Variants in SLC25A25 observed in about 807,000 individuals in gnomAD.
The protein encoded by SLC25A25 is mitochondrial adenyl nucleotide antiporter SLC25A25.
SLC25A25 carries 32 observed loss-of-function variants against 57.7 expected under a neutral mutation model. The observed-to-expected ratio is 0.55, with a 90% CI of 0.42 to 0.74. The LOEUF (loss-of-function observed/expected upper bound fraction) is 0.74. Ranked by LOEUF, SLC25A25 falls within the 30% of genes least tolerant of loss-of-function variation. The probability of loss-of-function intolerance (pLI) is 0.00; values close to 1 mark genes in which losing one functional copy is unlikely to be tolerated. For synonymous variants in SLC25A25, 306 were observed against 291.2 expected, an observed-to-expected ratio of 1.05 and a Z score of -0.52; for missense variants, 556 against 701.3, an observed-to-expected ratio of 0.79 and a Z score of 2.34.
chr9:128,075,708 G>T (rs1203895734), intron 1 of SLC25A25, among the ~76,000 whole-genome samples: 2 of 152,114 alleles, frequency 1.3e-5, no homozygotes, highest in African/African-American at 4.8e-5. Flanking sequence ...GCCAGGCGTT[G>T]TGGTGTGCAC....
intron 1 of SLC25A25, among the ~76,000 whole-genome samples, chr9:128,070,376 G>A (rs1364781768): frequency 6.6e-6 from 1 of 151,688 alleles, no homozygotes; most frequent in African/African-American, 2.4e-5. Context: ...GGGATTACAG[G>A]CATGAGCCAC....
At chr9:128,098,490 A>C in intron 1 of SLC25A25, 1 of 1,540,230 alleles carries the variant, frequency 6.5e-7, no homozygotes, top group Non-Finnish European at 8.8e-7. Flanking sequence ...GTCTTATGCA[A>C]GTTTCCCGGG....
At chr9:128,089,454 T>A (rs985451231) in intron 1 of SLC25A25, among the ~76,000 whole-genome samples, 1 of 152,120 alleles carries the variant, frequency 6.6e-6, no homozygotes, top group African/African-American at 2.4e-5. Flanking sequence ...AGCTAATAAG[T>A]GATGGCCAGG....
rs1442902251 is a variant in SLC25A25 at position 128,099,283 on chromosome 9, G to T, written c.262-1813G>T. ...TTCCCTGCTACCCCCAGTGCCCACT[G>T]TGCACCAAGGGGGATTTGCAGATCC... On this transcript the variant is annotated intron_variant, in intron 1 of 10. Coordinates refer to ENST00000373069, the MANE Select transcript of SLC25A25 (RefSeq NM_001330988.2). This position sits in a 1 kb window ranked among gnomAD's most constrained non-coding sequence, Gnocchi z 6.8. 7.8e-7 allele frequency: 1 copy of T among 1,287,564 alleles called. No homozygotes were observed. Among genetic ancestry groups the T allele is most frequent in the South Asian group, 1.2e-5 (1 of 80,912 alleles). The allele number at this position is 1,287,564 out of a possible 1,614,324, so 79.8% of individuals were successfully genotyped here.
intron 1 of SLC25A25, among the ~76,000 whole-genome samples, chr9:128,075,222 G>A (rs1452736729): frequency 3.3e-5 from 5 of 151,908 alleles, no homozygotes; most frequent in East Asian, 2.0e-4. Context: ...CAGGAGGATC[G>A]CTTGAGTCTG....
rs554307796 is a variant in SLC25A25, at chr9:128,100,733, G to A, written c.262-363G>A. 17 of 228,408 alleles carry A rather than the reference G, an allele frequency of 7.4e-5. No individual in the cohort carries two copies. In the East Asian group the frequency reaches 7.8e-4, roughly 11 times the overall value. 14.1% of individuals were successfully genotyped at this position (228,408 alleles called of 1,614,324 possible). On this transcript the variant is annotated intron_variant, in intron 1 of 10. Coordinates refer to ENST00000373069, the MANE Select transcript of SLC25A25 (RefSeq NM_001330988.2). Reference sequence around the variant, plus strand: ...AGGGACCCAGGGACGGCGCTGCAGCGAAGCCACCCTGCTCACCCTGGCTGT... The same window carrying A: ...AGGGACCCAGGGACGGCGCTGCAGCAAAGCCACCCTGCTCACCCTGGCTGT...
chr9:128,092,431 G>A (rs535446233), intron 1 of SLC25A25, among the ~76,000 whole-genome samples: 5 of 152,310 alleles, frequency 3.3e-5, no homozygotes, highest in South Asian at 4.1e-4. Flanking sequence ...AGCTCAGGAA[G>A]GGCGAAGCTA....
In SLC25A25 at chr9:128,101,893, A is replaced by T. The variant is rs959644070; in HGVS notation, c.477-187A>T. 1.2e-4 allele frequency among the ~76,000 whole-genome samples: 19 copies of T among 152,140 alleles called. No homozygotes were observed. Among genetic ancestry groups the T allele is most frequent in the Non-Finnish European group, 2.2e-4 (15 of 68,020 alleles). On this transcript the variant is annotated intron_variant, in intron 3 of 10. Transcript: ENST00000373069. This position sits in a 1 kb window ranked among gnomAD's most constrained non-coding sequence, Gnocchi z 4.9. Reference sequence around the variant, plus strand: ...GTCTGTCCTGGCTGGACCTTCCGGAAACCCTGCGGTCTGAACACTGGCTGG... The same window carrying T: ...GTCTGTCCTGGCTGGACCTTCCGGATACCCTGCGGTCTGAACACTGGCTGG...
rs550009907 is a variant in SLC25A25 at position 128,101,712 on chromosome 9, C to A, written c.476+316C>A. ...TGCGTGTGGAGGGGGCGGGGCGGGG[C>A]GGGGGGCTCACACTGCAGCCTCGTT... On this transcript the variant is annotated intron_variant, in intron 3 of 10. Transcript: ENST00000373069. The surrounding 1 kb of genome is among the most constrained non-coding windows in gnomAD (Gnocchi z 4.9). Among the ~76,000 whole-genome samples, 2 of 52,594 alleles carry A rather than the reference C, an allele frequency of 3.8e-5. No homozygotes were observed. The highest frequency in any genetic ancestry group is 7.5e-5 in the Non-Finnish European group (2 of 26,654). The allele number at this position is 52,594 out of a possible 152,430, so 34.5% of individuals were successfully genotyped here. A position where few individuals can be genotyped will look rare whatever the true frequency, so the allele number is the denominator to read the frequency against.
At chr9:128,092,292 G>T (rs1324884864) in intron 1 of SLC25A25, among the ~76,000 whole-genome samples, 1 of 152,212 alleles carries the variant, frequency 6.6e-6, no homozygotes, top group Non-Finnish European at 1.5e-5. Flanking sequence ...CCCACTGCGA[G>T]CACCCCAGTG....
At chr9:128,091,823 C>T in intron 1 of SLC25A25, 1 of 1,556,294 alleles carries the variant, frequency 6.4e-7, no homozygotes, top group South Asian at 1.2e-5. Context: ...GTGGTCACAT[C>T]CCTCAAAAGT....
At position 128,088,923 on chromosome 9, in the gene SLC25A25, G is replaced by T. The variant is rs141198477; in HGVS notation, c.262-12173G>T. On this transcript the variant is annotated intron_variant, in intron 1 of 10. Coordinates refer to ENST00000373069, the MANE Select transcript of SLC25A25 (RefSeq NM_001330988.2). ...AAAAACAGGGCTCACATTCATTAAA[G>T]GATTTATTTATTTATTTTTGAGGCA... 1.8e-4 allele frequency among the ~76,000 whole-genome samples: 27 copies of T among 152,266 alleles called. No homozygotes were observed. The East Asian group carries it at 4.8e-3, about 27-fold the overall frequency.
intron 1 of SLC25A25, among the ~76,000 whole-genome samples, chr9:128,081,955 G>T (rs1240387217): frequency 6.6e-6 from 1 of 152,062 alleles, no homozygotes; most frequent in Non-Finnish European, 1.5e-5. Context: ...TTTCCAAGCA[G>T]ACCCTTGCTT....
At chr9:128,089,180 C>G (rs1833343574) in intron 1 of SLC25A25, among the ~76,000 whole-genome samples, 1 of 152,124 alleles carries the variant, frequency 6.6e-6, no homozygotes. Flanking sequence ...ACGTGAACCA[C>G]CACTCCTGGC....
At chr9:128,083,733 T>C (rs1833213444) in intron 1 of SLC25A25, among the ~76,000 whole-genome samples, 1 of 150,738 alleles carries the variant, frequency 6.6e-6, no homozygotes, top group South Asian at 2.1e-4. Context: ...TTAGCCAGGA[T>C]GGCCTCTATC....
chr9:128,097,248 C>T (rs941466092), intron 1 of SLC25A25, among the ~76,000 whole-genome samples: 14 of 152,118 alleles, frequency 9.2e-5, no homozygotes, highest in Non-Finnish European at 1.5e-4. Context: ...CTCCGCAGCA[C>T]GAATCTGTGG....
chr9:128,099,540 T>TA lies in SLC25A25; in HGVS notation c.262-1555dup, dbSNP rs1833702286. ...TTGTCCACTCTATTTCCATTCCTGT[T>TA]AGAGATTTGGAGCAGTCACCCTATA... is the stretch of plus-strand genomic sequence containing the variant. On this transcript the variant is annotated intron_variant, in intron 1 of 10. Transcript: ENST00000373069. This position sits in a 1 kb window ranked among gnomAD's most constrained non-coding sequence, Gnocchi z 6.8. Among the ~76,000 whole-genome samples, 2 of 152,336 alleles carry TA rather than the reference T, an allele frequency of 1.3e-5. No homozygotes were observed. The highest frequency in any genetic ancestry group is 2.4e-5 in the African/African-American group (1 of 41,576).
At chr9:128,091,950 G>T (rs772534505) in intron 1 of SLC25A25, 1 of 1,613,850 alleles carries the variant, frequency 6.2e-7, no homozygotes, top group Non-Finnish European at 8.5e-7. Context: ...GGGGACGATC[G>T]TGAAGTCAGA....
rs376519631 is a variant in SLC25A25 at position 128,099,827 on chromosome 9, C to G, written c.262-1269C>G. Among the ~76,000 whole-genome samples the G allele has an allele frequency of 2.6e-5, 4 of 152,136 alleles. No homozygotes were observed. The highest frequency in any genetic ancestry group is 9.7e-5 in the African/African-American group (4 of 41,402). ...GTGATCCTTTGAGGACGCGAGCTAG[C>G]CAGTGGGCCATCCATTTCCAAACCC... On this transcript the variant is annotated intron_variant, in intron 1 of 10. Transcript: ENST00000373069. The surrounding 1 kb of genome is among the most constrained non-coding windows in gnomAD (Gnocchi z 6.8).
Sources: allele counts gnomAD v4.1 joint callset (sites outside exome capture counted in the v4.1 genomes callset), GRCh38; gene constraint gnomAD v4.1.1; non-coding constraint Gnocchi (gnomAD v3.1); transcripts MANE v1.5; gene names NCBI Gene and HGNC (gene_info 2026-07-23, HGNC 2026-07-21).